NIN: variants seen among roughly 807,000 people sequenced by gnomAD.
NIN encodes ninein.
In NIN, 137 loss-of-function variants were observed where a neutral mutation model predicts 257.6. The observed-to-expected ratio is 0.53, with a 90% CI of 0.46 to 0.61. The LOEUF is 0.61. Ranked by LOEUF, NIN falls within the 20% of genes least tolerant of loss-of-function variation. The probability of loss-of-function intolerance (pLI) is 0.00; values close to 1 mark genes in which losing one functional copy is unlikely to be tolerated. For missense variants in NIN, 2,439 were observed against 2,501.2 expected, an observed-to-expected ratio of 0.98 and a Z score of 0.53; for synonymous variants, 918 against 919.8, an observed-to-expected ratio of 1.00 and a Z score of 0.04.
intron 28 of NIN, 64 bp from the exon 29 acceptor site, chr14:50,729,787 G>T: frequency 1.6e-6 from 2 of 1,241,510 alleles, no homozygotes; most frequent in Non-Finnish European, 2.2e-6. Context: ...GCCCTTTATG[G>T]TGTCAGGCAG....
chr14:50,770,699 A>C lies in NIN; in HGVS notation c.1260-137T>G. ...TATCTAGTGTACCCTGCTTTCCCTT[A>C]GGGCTTGACCACATCTGAGTCACTC... On this transcript the variant is annotated intron_variant, in intron 11 of 30. Coordinates refer to ENST00000530997, the MANE Select transcript of NIN (RefSeq NM_020921.4). 4 of 1,336,646 alleles carry C rather than the reference A, an allele frequency of 3.0e-6. No homozygotes were observed. The South Asian group carries it at 4.2e-5, about 14-fold the overall frequency. 82.8% of individuals were successfully genotyped at this position (1,336,646 alleles called of 1,614,324 possible).
chr14:50,825,940 T>C (rs2045437793), intron 2 of NIN, among the ~76,000 whole-genome samples: 1 of 152,228 alleles, frequency 6.6e-6, no homozygotes. Flanking sequence ...ACATTCCCTT[T>C]TTTTTCTAAA....
Position 50,772,390 on chromosome 14 carries a change from G to C in NIN, c.892C>G (p.Leu298Val). Residue 298 changes from leucine (L) to valine (V), a missense_variant, in exon 9 of 31, where the codon CTG (leucine) becomes GTG (valine). This residue lies in a region of NIN where 387 missense variants were observed against 427.3 expected (regional missense o/e 0.91). Coordinates refer to ENST00000530997, the MANE Select transcript of NIN (RefSeq NM_020921.4). ...STIGFRVFSC[L>V]DDGMGHASVE... ...GATGCATGGCCCATCCCATCATCCA[G>C]GCAGGAGAAGACCCGAAAGCCAATG... 6.2e-7 allele frequency: 1 copy of C among 1,614,134 alleles called. No individual in the cohort carries two copies. Among genetic ancestry groups the C allele is most frequent in the Non-Finnish European group, 8.5e-7 (1 of 1,179,982 alleles).
intron 3 of NIN, among the ~76,000 whole-genome samples, chr14:50,813,849 C>T (rs1362438536): frequency 1.3e-5 from 2 of 151,972 alleles, no homozygotes; most frequent in African/African-American, 4.8e-5. Flanking sequence ...TTTGTCTTTA[C>T]TAATATAAAG....
At chr14:50,787,545 C>A (rs1464025760) in intron 5 of NIN, among the ~76,000 whole-genome samples, 2 of 152,158 alleles carry the variant, frequency 1.3e-5, no homozygotes, top group Non-Finnish European at 2.9e-5. Flanking sequence ...CAAGAAGGTG[C>A]CCTTTGTTAG....
rs1160204862 is a variant in NIN at position 50,760,339 on chromosome 14, C to A, written c.1917G>T (p.Gln639His). The change falls in exon 17 of 31, where the codon CAG (glutamine) becomes CAT (histidine). Residue 639 changes from glutamine to histidine, a missense_variant. Coordinates refer to ENST00000530997, the MANE Select transcript of NIN (RefSeq NM_020921.4). ...TGCAGCTGACCACGGTTTCGTCCAG[C>A]TGCTTTTCATAATGGCGCACCTGAA... ...LEDKVRHYEK[Q>H]LDETVVSCKK... 3.1e-6 allele frequency: 5 copies of A among 1,604,576 alleles called. No individual in the cohort carries two copies. The highest frequency in any genetic ancestry group is 1.3e-5 in the African/African-American group (1 of 74,840).
At chr14:50,830,289 C>A (rs963851246) in intron 2 of NIN, among the ~76,000 whole-genome samples, 175 bp downstream of exon 2, 2 of 152,246 alleles carry the variant, frequency 1.3e-5, no homozygotes, top group African/African-American at 2.4e-5. Flanking sequence ...CCAAACCCAG[C>A]GGTGCTGCCG....
intron 3 of NIN, among the ~76,000 whole-genome samples, chr14:50,816,997 CCTAATCAGGT>C (rs1188339761): frequency 6.6e-6 from 1 of 152,194 alleles, no homozygotes; most frequent in African/African-American, 2.4e-5. Context: ...TGAGCAGTCT[CCTAATCAGGT>C]CTTCTTGTTT....
chr14:50,765,926 G>T (rs993002906), intron 14 of NIN, among the ~76,000 whole-genome samples: 17 of 150,322 alleles, frequency 1.1e-4, no homozygotes, highest in Admixed American at 1.3e-4. Context: ...GTATACATGC[G>T]CCATGCTGGT....
rs2042143614 is a variant in NIN, at chr14:50,758,615, T to C, written c.2415A>G (p.Thr805=). 6.4e-7 allele frequency: 1 copy of C among 1,562,044 alleles called. No individual in the cohort carries two copies. The highest frequency in any genetic ancestry group is 8.7e-7 in the Non-Finnish European group (1 of 1,156,040). The change falls in exon 18 of 31, where the codon ACA becomes ACG. Residue 805 remains threonine, a synonymous_variant. Coordinates refer to ENST00000530997, the MANE Select transcript of NIN (RefSeq NM_020921.4). ...ELQEGREKME[T]ECNRRTSQIE... ...TTTGAGAGGTTCTTCTATTACACTCTGTTTCCATTTTTTCCCTAAATATAG... is the reference window on the plus strand; with the variant it reads ...TTTGAGAGGTTCTTCTATTACACTCCGTTTCCATTTTTTCCCTAAATATAG...
intron 29 of NIN, among the ~76,000 whole-genome samples, chr14:50,728,561 A>G (rs1008916135): frequency 1.3e-5 from 2 of 152,220 alleles, no homozygotes; most frequent in African/African-American, 2.4e-5. Context: ...GGGGATTCAA[A>G]TAAGAGATAG....
intron 3 of NIN, among the ~76,000 whole-genome samples, chr14:50,808,539 C>T (rs2044437638): frequency 1.3e-5 from 2 of 152,188 alleles, no homozygotes; most frequent in African/African-American, 4.8e-5. Flanking sequence ...CGAAGCCTCT[C>T]CAAGCCCTAG....
chr14:50,801,451 C>T (rs920366911), intron 4 of NIN, among the ~76,000 whole-genome samples: 8 of 152,180 alleles, frequency 5.3e-5, no homozygotes, highest in Admixed American at 5.2e-4. Flanking sequence ...TTCATTGATG[C>T]CAGCAGAACA....
intron 3 of NIN, among the ~76,000 whole-genome samples, chr14:50,817,605 C>T (rs1008478950): frequency 2.6e-5 from 4 of 152,142 alleles, no homozygotes; most frequent in Admixed American, 6.5e-5. Flanking sequence ...GGCTTATTCT[C>T]ACTTTATAGT....
chr14:50,788,613 A>G (rs2043443112), intron 5 of NIN, among the ~76,000 whole-genome samples: 1 of 152,256 alleles, frequency 6.6e-6, no homozygotes, highest in Non-Finnish European at 1.5e-5. Flanking sequence ...ATTCTGGCTG[A>G]CCTGTAGCAA....
chr14:50,766,552 A>G (rs1488881108), intron 13 of NIN, among the ~76,000 whole-genome samples, 156 bp from the exon 14 acceptor site: 1 of 152,190 alleles, frequency 6.6e-6, no homozygotes, highest in Non-Finnish European at 1.5e-5. Context: ...GATGGGGAGA[A>G]CGCACTAGAG....
intron 7 of NIN, among the ~76,000 whole-genome samples, chr14:50,773,337 C>T (rs1457666591): frequency 6.6e-6 from 1 of 152,162 alleles, no homozygotes; most frequent in Admixed American, 6.5e-5. Context: ...TAGCAATTAA[C>T]TATATTCTCT....
At position 50,720,244 on chromosome 14, in the gene NIN, C is replaced by G. The variant is rs1222379415; in HGVS notation, c.*3219G>C. 4.5e-6 allele frequency: 1 copy of G among 222,636 alleles called. No individual in the cohort carries two copies. Among genetic ancestry groups the G allele is most frequent in the Non-Finnish European group, 9.0e-6 (1 of 111,498 alleles). 13.8% of individuals were successfully genotyped at this position (222,636 alleles called of 1,614,324 possible). On this transcript the variant is annotated 3_prime_UTR_variant, in exon 31 of 31. Coordinates refer to ENST00000530997, the MANE Select transcript of NIN (RefSeq NM_020921.4). Reference sequence around the variant, plus strand: ...ATAATTATATCATTCCAATGAGTCACTACAGGTAATCCATTCAAAACATGA... The same window carrying G: ...ATAATTATATCATTCCAATGAGTCAGTACAGGTAATCCATTCAAAACATGA...
intron 29 of NIN, among the ~76,000 whole-genome samples, chr14:50,729,077 G>T (rs2040557787): frequency 6.6e-6 from 1 of 152,134 alleles, no homozygotes; most frequent in African/African-American, 2.4e-5. Context: ...GGCCAATTGT[G>T]CGCTGTGTTT....
Sources: allele counts gnomAD v4.1 joint callset (sites outside exome capture counted in the v4.1 genomes callset), GRCh38; gene constraint gnomAD v4.1.1; regional missense constraint gnomAD v4.1.1; transcripts MANE v1.5; gene names NCBI Gene and HGNC (gene_info 2026-07-23, HGNC 2026-07-21).